CRHR1: variants seen among roughly 807,000 people sequenced by gnomAD.
The protein encoded by CRHR1 is corticotropin releasing hormone receptor 1, also known as corticotropin-releasing hormone receptor 1.
In CRHR1, 28 loss-of-function variants were observed where a neutral mutation model predicts 56.0. That is an observed-to-expected ratio of 0.50 (90% CI 0.37 to 0.69). CRHR1 has a LOEUF of 0.69. CRHR1 is among the 30% of genes least tolerant of loss of function. CRHR1 has a pLI of 0.00. For synonymous variants in CRHR1, 195 were observed against 216.5 expected, an observed-to-expected ratio of 0.90 and a Z score of 0.87; for missense variants, 376 against 548.0, an observed-to-expected ratio of 0.69 and a Z score of 3.13.
rs990667625 is a variant in CRHR1 at position 45,784,423 on chromosome 17, A to C, written c.-122A>C. ...GCGCCGAGCCGGGCATCTCCTCACC[A>C]GGCAGCGACCGAGGAGCCCGGCCGC... is the stretch of plus-strand genomic sequence containing the variant. On this transcript the variant is annotated 5_prime_UTR_variant, in exon 1 of 13. Transcript: ENST00000314537. The surrounding 1 kb of genome is among the most constrained non-coding windows in gnomAD (Gnocchi z 4.2). 2.3e-6 allele frequency: 2 copies of C among 877,700 alleles called. No homozygotes were observed. Among genetic ancestry groups the C allele is most frequent in the Non-Finnish European group, 3.2e-6 (2 of 623,632 alleles). The allele number at this position is 877,700 out of a possible 1,614,324, so 54.4% of individuals were successfully genotyped here. A position where few individuals can be genotyped will look rare whatever the true frequency, so the allele number is the denominator to read the frequency against.
intron 2 of CRHR1, among the ~76,000 whole-genome samples, chr17:45,815,826 C>T (rs1171631453): frequency 1.3e-5 from 2 of 152,216 alleles, no homozygotes; most frequent in Non-Finnish European, 2.9e-5. Context: ...TGTCTCCCTC[C>T]CTTTCCTCTC....
chr17:45,804,042 ACTT>A (rs1435575610), intron 1 of CRHR1, among the ~76,000 whole-genome samples: 3 of 151,954 alleles, frequency 2.0e-5, no homozygotes, highest in South Asian at 2.1e-4. Flanking sequence ...TCCTCTCTCT[ACTT>A]CTGCATTTTC....
chr17:45,833,941 G>A (rs2062378686), intron 11 of CRHR1, 66 bp from the exon 12 acceptor site: 1 of 1,613,026 alleles, frequency 6.2e-7, no homozygotes, highest in Non-Finnish European at 8.5e-7. Context: ...AGAAGCAAGG[G>A]GCAGCCCAGA....
intron 1 of CRHR1, among the ~76,000 whole-genome samples, chr17:45,796,579 C>T (rs1055381598): frequency 7.2e-5 from 11 of 152,328 alleles, no homozygotes; most frequent in Middle Eastern, 6.8e-3. Flanking sequence ...TGGCTCCAAT[C>T]CCAGTCCCTC....
chr17:45,802,230 CAGG>C (rs1217391315), intron 1 of CRHR1, among the ~76,000 whole-genome samples: 2 of 152,154 alleles, frequency 1.3e-5, no homozygotes, highest in Non-Finnish European at 2.9e-5. Flanking sequence ...GAGGCTGAGG[CAGG>C]AGAATTGCTT....
intron 4 of CRHR1, among the ~76,000 whole-genome samples, chr17:45,823,777 G>A (rs1227262869): frequency 6.6e-6 from 1 of 152,182 alleles, no homozygotes; most frequent in Non-Finnish European, 1.5e-5. Flanking sequence ...CCCCACCCCT[G>A]GCTTCCTGGC....
At chr17:45,813,553 G>A (rs1034899224) in intron 2 of CRHR1, among the ~76,000 whole-genome samples, 1 of 152,216 alleles carries the variant, frequency 6.6e-6, no homozygotes, top group African/African-American at 2.4e-5. Flanking sequence ...GGAGCTGCGG[G>A]GGCCAGGAGG....
chr17:45,791,640 G>A (rs2146261531), intron 1 of CRHR1, among the ~76,000 whole-genome samples: 1 of 152,062 alleles, frequency 6.6e-6, no homozygotes, highest in East Asian at 1.9e-4. Context: ...CTGGTGCCTG[G>A]GTGCCCGAAG....
intron 4 of CRHR1, among the ~76,000 whole-genome samples, chr17:45,823,550 G>A (rs754983400): frequency 2.0e-5 from 3 of 151,948 alleles, no homozygotes; most frequent in Non-Finnish European, 4.4e-5. Flanking sequence ...TGCGATTACA[G>A]GAATGCACCA....
At chr17:45,810,924 A>G (rs1252209930) in intron 2 of CRHR1, among the ~76,000 whole-genome samples, 2 of 152,346 alleles carry the variant, frequency 1.3e-5, no homozygotes, top group South Asian at 2.1e-4. Flanking sequence ...CATTCCTCTG[A>G]CTGGGCAAGA....
At chr17:45,814,109 AAGGGC>A (rs1331095014) in intron 2 of CRHR1, among the ~76,000 whole-genome samples, 1 of 152,260 alleles carries the variant, frequency 6.6e-6, no homozygotes, top group Non-Finnish European at 1.5e-5. Context: ...GGGAAGAAGG[AAGGGC>A]AGGGGCCACA....
chr17:45,785,826 A>G (rs544910570), intron 1 of CRHR1, among the ~76,000 whole-genome samples: 17 of 152,238 alleles, frequency 1.1e-4, no homozygotes, highest in African/African-American at 3.6e-4. Context: ...CCCCTCCCCA[A>G]ATATTTATAA....
intron 3 of CRHR1, among the ~76,000 whole-genome samples, chr17:45,818,282 C>T (rs1264314716): frequency 1.3e-5 from 2 of 152,236 alleles, no homozygotes; most frequent in Non-Finnish European, 2.9e-5. Flanking sequence ...GGTCATGGCC[C>T]TGTCACCTTT....
intron 4 of CRHR1, among the ~76,000 whole-genome samples, chr17:45,828,349 C>A (rs1568066755): frequency 6.6e-6 from 1 of 152,220 alleles, no homozygotes; most frequent in East Asian, 1.9e-4. Context: ...GTCAGCATAA[C>A]CTCTGTGCTG....
chr17:45,830,128 A>G lies in CRHR1; in HGVS notation c.469A>G (p.Asn157Asp). ...IRCLRNIIHW[N>D]LISAFILRNA... ...GTGCCTGCGAAACATCATCCACTGG[A>G]ACCTCATCTCCGCCTTCATCCTGCG... The change falls in exon 6 of 13, where the codon AAC (asparagine) becomes GAC (aspartate). Residue 157 changes from asparagine (N) to aspartate (D), a missense_variant. Around this residue, in one of 2 missense-constraint regions of CRHR1, gnomAD observed 369 missense variants for 519.5 expected, o/e 0.71. Transcript: ENST00000314537. 6.2e-7 allele frequency: 1 copy of G among 1,614,002 alleles called. No individual in the cohort carries two copies.
rs2061306436 is a variant in CRHR1 at position 45,784,959 on chromosome 17, G to A, written c.33+382G>A. 6.6e-6 allele frequency among the ~76,000 whole-genome samples: 1 copy of A among 152,056 alleles called. No homozygotes were observed. Among genetic ancestry groups the A allele is most frequent in the Non-Finnish European group, 1.5e-5 (1 of 67,974 alleles). On this transcript the variant is annotated intron_variant, in intron 1 of 12. Transcript: ENST00000314537. This position sits in a 1 kb window ranked among gnomAD's most constrained non-coding sequence, Gnocchi z 4.2. ...CCGGGACTGGAGACTCTGAAGCGGG[G>A]TTCCCACCTCGCCCCAGCGCCCCCA...
At chr17:45,785,449 G>A (rs978837612) in intron 1 of CRHR1, among the ~76,000 whole-genome samples, 4 of 152,246 alleles carry the variant, frequency 2.6e-5, no homozygotes, top group African/African-American at 4.8e-5. Context: ...GTATAGGCGC[G>A]CCCGCTGCAG....
intron 8 of CRHR1, among the ~76,000 whole-genome samples, chr17:45,832,058 TAAAAAAA>T (rs369727689): frequency 1.6e-5 from 2 of 124,426 alleles, no homozygotes; most frequent in Non-Finnish European, 3.9e-5. Context: ...CCGTATCTAC[TAAAAAAA>T]AAACAAAAAA....
rs1568074742 is a variant in CRHR1 at position 45,833,711 on chromosome 17, C to CCCCAA, written c.930-3_930-2insCCCAA. On this transcript the variant is annotated splice_polypyrimidine_tract_variant and splice_region_variant and intron_variant, in intron 10 of 12. Coordinates refer to ENST00000314537, the MANE Select transcript of CRHR1 (RefSeq NM_004382.5). ...CCGAGCCTCCCCACCCGCCCCACCC[C>CCCCAA]AGGAAGGCTGTGAAAGCCACTCTGG... 5 of 1,610,002 alleles carry CCCCAA rather than the reference C, an allele frequency of 3.1e-6. No individual in the cohort carries two copies.
Sources: allele counts gnomAD v4.1 joint callset (sites outside exome capture counted in the v4.1 genomes callset), GRCh38; gene constraint gnomAD v4.1.1; regional missense constraint gnomAD v4.1.1; non-coding constraint Gnocchi (gnomAD v3.1); transcripts MANE v1.5; gene names NCBI Gene and HGNC (gene_info 2026-07-23, HGNC 2026-07-21).